The following RAPGEF1 variants were observed in gnomAD, a reference collection of about 807,000 sequenced individuals.
RAPGEF1 encodes the protein CRK SH3-binding GNRP.
A neutral mutation model predicts 143.3 loss-of-function variants in RAPGEF1; 33 were observed. The observed-to-expected ratio is 0.23, with a 90% CI of 0.17 to 0.31. The LOEUF is 0.31. Among genes scored for constraint, RAPGEF1 ranks in the 10% least tolerant of loss-of-function variants. The pLI is 1.00. For missense variants in RAPGEF1, 1,199 were observed against 1,645.4 expected, an observed-to-expected ratio of 0.73 and a Z score of 4.69; for synonymous variants, 629 against 676.5, an observed-to-expected ratio of 0.93 and a Z score of 1.09.
At chr9:131,644,109 G>A (rs945917060) in intron 3 of RAPGEF1, among the ~76,000 whole-genome samples, 5 of 152,170 alleles carry the variant, frequency 3.3e-5, no homozygotes, top group African/African-American at 1.2e-4. Flanking sequence ...CAGCATTCAT[G>A]GTCCCTCTGC....
intron 1 of RAPGEF1, among the ~76,000 whole-genome samples, chr9:131,681,962 T>C (rs1267287467): frequency 6.6e-6 from 1 of 152,198 alleles, no homozygotes; most frequent in Non-Finnish European, 1.5e-5. Context: ...TCGACAATGC[T>C]AATCCCGACT....
Position 131,588,793 on chromosome 9 carries a change from C to T in RAPGEF1, c.3053+8G>A, listed in dbSNP as rs565951780. 41 of 1,607,204 alleles carry T rather than the reference C, an allele frequency of 2.6e-5. No individual in the cohort carries two copies. In the East Asian group the frequency reaches 5.4e-4, roughly 21 times the overall value. ...GAAGAGGCAGGGCTGGAGAGGTGGG[C>T]TTCTCACCTGGCTGCTACCCCCCGG... On this transcript the variant is annotated splice_region_variant and intron_variant, in intron 20 of 26. Coordinates refer to ENST00000683357, the MANE Select transcript of RAPGEF1 (RefSeq NM_001377935.1).
At chr9:131,676,672 T>A (rs1832409629) in intron 1 of RAPGEF1, among the ~76,000 whole-genome samples, 1 of 152,254 alleles carries the variant, frequency 6.6e-6, no homozygotes, top group Admixed American at 6.5e-5. Flanking sequence ...GTTAGGGACA[T>A]CAGAATATAT....
intron 1 of RAPGEF1, among the ~76,000 whole-genome samples, chr9:131,660,638 A>G (rs901745281): frequency 4.6e-5 from 7 of 152,186 alleles, no homozygotes; most frequent in Admixed American, 4.6e-4. Flanking sequence ...GCGCCCTTGT[A>G]TGGTGAGACA....
intron 22 of RAPGEF1, among the ~76,000 whole-genome samples, chr9:131,587,422 T>C (rs1953331992): frequency 6.6e-6 from 1 of 152,258 alleles, no homozygotes; most frequent in African/African-American, 2.4e-5. Context: ...CAGCTTGAGA[T>C]TGCCTGGCAG....
Position 131,739,694 on chromosome 9 carries a change from C to G in RAPGEF1, c.61+76G>C, listed in dbSNP as rs1226085186. Reference sequence around the variant, plus strand: ...GGAGGGCCGCACATCCCGGGCGACCCGCGCTCGGCCCGGGGAGCGGCGGAG... The same window carrying G: ...GGAGGGCCGCACATCCCGGGCGACCGGCGCTCGGCCCGGGGAGCGGCGGAG... On this transcript the variant is annotated intron_variant, in intron 1 of 26. Transcript: ENST00000683357. The G allele has an allele frequency of 1.7e-5, 17 of 1,001,262 alleles. No homozygotes were observed. The East Asian group carries it at 1.4e-3, about 81-fold the overall frequency. 62.0% of individuals were successfully genotyped at this position (1,001,262 alleles called of 1,614,324 possible).
chr9:131,626,522 G>A, intron 9 of RAPGEF1, 100 bp from the exon 10 acceptor site: 2 of 1,232,428 alleles, frequency 1.6e-6, no homozygotes, highest in Non-Finnish European at 2.2e-6. Context: ...TCATGGGTGT[G>A]TGACAAAGAC....
chr9:131,630,152 C>A, intron 6 of RAPGEF1, 84 bp downstream of exon 6: 1 of 1,300,088 alleles, frequency 7.7e-7, no homozygotes, highest in South Asian at 1.2e-5. Context: ...TCATGCTGCC[C>A]ACCCCACCGG....
intron 3 of RAPGEF1, among the ~76,000 whole-genome samples, chr9:131,647,450 C>G (rs979654151): frequency 1.3e-4 from 20 of 152,218 alleles, no homozygotes; most frequent in African/African-American, 4.8e-4. Context: ...TCTGTACTTT[C>G]ATCTCCCTGC....
In RAPGEF1 at chr9:131,592,188, AG is replaced by A; in HGVS notation, c.2690-6del. The A allele has an allele frequency of 1.3e-6, 2 of 1,502,310 alleles. No individual in the cohort carries two copies. The highest frequency in any genetic ancestry group is 1.8e-6 in the Non-Finnish European group (2 of 1,123,732). The allele number at this position is 1,502,310 out of a possible 1,614,324, so 93.1% of individuals were successfully genotyped here. On this transcript the variant is annotated splice_polypyrimidine_tract_variant and splice_region_variant and intron_variant, in intron 17 of 26. Coordinates refer to ENST00000683357, the MANE Select transcript of RAPGEF1 (RefSeq NM_001377935.1). ...CCTCGCAGTACAACACCAAATCTAG[AG>A]GGAAAAAACAATGCAAACTGCTTGT...
chr9:131,590,923 A>G (rs1309346921), intron 18 of RAPGEF1, among the ~76,000 whole-genome samples: 1 of 152,246 alleles, frequency 6.6e-6, no homozygotes, highest in Non-Finnish European at 1.5e-5. Context: ...GGTTTCCTCA[A>G]TTACACAATA....
chr9:131,738,518 A>T (rs986694321), intron 1 of RAPGEF1, among the ~76,000 whole-genome samples: 1 of 152,186 alleles, frequency 6.6e-6, no homozygotes, highest in African/African-American at 2.4e-5. Flanking sequence ...TGCCCCTGAG[A>T]AAAGCACCCT....
intron 1 of RAPGEF1, among the ~76,000 whole-genome samples, chr9:131,662,998 A>G (rs2133687793): frequency 6.6e-6 from 1 of 152,214 alleles, no homozygotes; most frequent in Middle Eastern, 3.4e-3. Flanking sequence ...AAAAAAAATC[A>G]AATCTACTGA....
At chr9:131,686,433 T>C (rs747964363) in intron 1 of RAPGEF1, among the ~76,000 whole-genome samples, 55 of 152,294 alleles carry the variant, frequency 3.6e-4, no homozygotes, top group Admixed American at 1.8e-3. Flanking sequence ...ATTGGTGCTG[T>C]GTGGACTTTT....
chr9:131,588,224 GC>G (rs1246225413), intron 20 of RAPGEF1, among the ~76,000 whole-genome samples, 198 bp from the exon 21 acceptor site: 2 of 152,244 alleles, frequency 1.3e-5, no homozygotes, highest in East Asian at 3.9e-4. Context: ...GACACTGTCT[GC>G]CTTTCTCTCC....
chr9:131,661,103 C>T (rs1425569576), intron 1 of RAPGEF1, among the ~76,000 whole-genome samples: 1 of 152,180 alleles, frequency 6.6e-6, no homozygotes, highest in Non-Finnish European at 1.5e-5. Flanking sequence ...TGACAGCCAC[C>T]CACTATGGCT....
rs778887154 is a variant in RAPGEF1, at chr9:131,598,360, C to T, written c.2502-50G>A. ...GCAAGTGTCAAACCGGCTCAGCTCC[C>T]GATGCCTGGAGGCCAAGGCAGTGCC... is the stretch of plus-strand genomic sequence containing the variant. On this transcript the variant is annotated intron_variant, in intron 15 of 26. Transcript: ENST00000683357. 3.9e-5 allele frequency: 59 copies of T among 1,520,382 alleles called. No homozygotes were observed. In the South Asian group the frequency reaches 5.9e-4, roughly 15 times the overall value. 94.2% of individuals were successfully genotyped at this position (1,520,382 alleles called of 1,614,324 possible).
intron 5 of RAPGEF1, among the ~76,000 whole-genome samples, chr9:131,633,383 TAA>T (rs1965478682): frequency 6.6e-6 from 1 of 152,128 alleles, no homozygotes; most frequent in African/African-American, 2.4e-5. Context: ...TAGAGGGAGT[TAA>T]AGAGCGCCAG....
At chr9:131,717,394 T>C (rs73544912) in intron 1 of RAPGEF1, among the ~76,000 whole-genome samples, 3,883 of 152,274 alleles carry the variant, frequency 0.026, 176 homozygotes, top group African/African-American at 0.088. Context: ...TTAGTGAGCG[T>C]CAGCTATGTG....
Sources: gnomAD v4.1 joint callset for allele counts (sites outside exome capture counted in the v4.1 genomes callset) on GRCh38, gnomAD v4.1.1 for gene constraint, MANE v1.5 for transcripts, NCBI Gene and HGNC (gene_info 2026-07-23, HGNC 2026-07-21) for gene names.